LRP1B: variants seen among roughly 807,000 people sequenced by gnomAD.
LRP1B encodes the protein low-density lipoprotein receptor-related protein 1B.
A neutral mutation model predicts 556.6 loss-of-function variants in LRP1B; 217 were observed. The ratio of observed to expected loss-of-function variants is 0.39; its 90% CI spans 0.35 to 0.44. The LOEUF (loss-of-function observed/expected upper bound fraction) is 0.44, where lower values mean the gene tolerates loss of function less well. LRP1B is among the 20% of genes least tolerant of loss of function. The pLI, the probability that LRP1B is intolerant of heterozygous loss-of-function variation, is 1.00. For synonymous variants in LRP1B, 2,047 were observed against 1,865.8 expected, an observed-to-expected ratio of 1.10 and a Z score of -2.50; for missense variants, 5,053 against 5,620.8, an observed-to-expected ratio of 0.90 and a Z score of 3.23.
chr2:141,320,065 C>T (rs925035851), intron 3 of LRP1B, among the ~76,000 whole-genome samples: 2 of 151,970 alleles, frequency 1.3e-5, no homozygotes, highest in African/African-American at 4.8e-5. Context: ...AGTAATTTCT[C>T]AGATGATGCC....
At chr2:140,609,122 T>C (rs929683907) in intron 41 of LRP1B, among the ~76,000 whole-genome samples, 2 of 152,170 alleles carry the variant, frequency 1.3e-5, no homozygotes, top group Non-Finnish European at 2.9e-5. Flanking sequence ...CCGGAGCTGC[T>C]AGAGCAGAGC....
intron 43 of LRP1B, among the ~76,000 whole-genome samples, chr2:140,544,768 G>A (rs1680263975): frequency 6.6e-6 from 1 of 151,952 alleles, no homozygotes; most frequent in Non-Finnish European, 1.5e-5. Flanking sequence ...TTGTGAGTAG[G>A]GCTGTAATTA....
intron 43 of LRP1B, 88 bp from the exon 44 acceptor site, chr2:140,542,059 T>G: frequency 1.2e-6 from 1 of 839,354 alleles, no homozygotes; most frequent in Non-Finnish European, 1.7e-6. Flanking sequence ...AATAAAAGAT[T>G]AGGATTAGTT....
chr2:140,233,356 T>C (rs752691471), intron 90 of LRP1B, 30 bp from the exon 91 acceptor site: 19 of 1,511,450 alleles, frequency 1.3e-5, no homozygotes, highest in Non-Finnish European at 1.4e-5. Context: ...AATATAATTT[T>C]ATTACTGGTC....
chr2:140,696,480 T>C (rs1686434067), intron 41 of LRP1B, among the ~76,000 whole-genome samples: 1 of 152,196 alleles, frequency 6.6e-6, no homozygotes, highest in Non-Finnish European at 1.5e-5. Context: ...TTATTGTAAT[T>C]ATTTCTGATT....
chr2:140,552,239 A>G (rs561595529), intron 43 of LRP1B, among the ~76,000 whole-genome samples: 60 of 152,232 alleles, frequency 3.9e-4, no homozygotes, highest in African/African-American at 1.4e-3. Context: ...ACCATCAACA[A>G]ACATTTTTGA....
rs190452385 is a variant in LRP1B, at chr2:140,743,176, A to C, written c.5758+26037T>G. Reference sequence around the variant, plus strand: ...ATAGTTGATTTTGGAGTGGACTAGAATTTCATGAATAACAAAGTGTTTCAC... The same window carrying C: ...ATAGTTGATTTTGGAGTGGACTAGACTTTCATGAATAACAAAGTGTTTCAC... On this transcript the variant is annotated intron_variant, in intron 35 of 90. Coordinates refer to ENST00000389484, the MANE Select transcript of LRP1B (RefSeq NM_018557.3). Among the ~76,000 whole-genome samples the C allele has an allele frequency of 1.3e-4, 20 of 152,332 alleles. No individual in the cohort carries two copies. The East Asian group carries it at 3.9e-3, about 29-fold the overall frequency.
intron 7 of LRP1B, among the ~76,000 whole-genome samples, chr2:141,168,434 A>G (rs1574147659): frequency 6.6e-6 from 1 of 151,988 alleles, no homozygotes; most frequent in South Asian, 2.1e-4. Flanking sequence ...AAATAATCAC[A>G]CTCAGTCACT....
At chr2:140,455,825 C>A (rs1482218905) in intron 62 of LRP1B, among the ~76,000 whole-genome samples, 1 of 152,092 alleles carries the variant, frequency 6.6e-6, no homozygotes, top group East Asian at 1.9e-4. Context: ...ACAGTTTTAT[C>A]TTAAATCCAA....
intron 35 of LRP1B, among the ~76,000 whole-genome samples, chr2:140,751,766 A>G (rs1688588363): frequency 6.6e-6 from 1 of 152,164 alleles, no homozygotes; most frequent in South Asian, 2.1e-4. Flanking sequence ...GACATTCTCT[A>G]GTTGGAGAAA....
intron 43 of LRP1B, among the ~76,000 whole-genome samples, chr2:140,556,707 C>T (rs1680747026): frequency 6.6e-6 from 1 of 150,964 alleles, no homozygotes; most frequent in Non-Finnish European, 1.5e-5. Flanking sequence ...TGAACATTCT[C>T]ATGATTGCCA....
At chr2:141,100,997 G>C (rs1700446589) in intron 7 of LRP1B, among the ~76,000 whole-genome samples, 1 of 152,104 alleles carries the variant, frequency 6.6e-6, no homozygotes, top group African/African-American at 2.4e-5. Flanking sequence ...TTGGAGGTAA[G>C]AGGGGGTAGA....
intron 7 of LRP1B, among the ~76,000 whole-genome samples, chr2:141,187,075 G>A (rs866079845): frequency 2.8e-4 from 42 of 152,038 alleles, no homozygotes; most frequent in East Asian, 9.7e-4. Flanking sequence ...TTGTTAGTGC[G>A]TTTGTAAATT....
intron 2 of LRP1B, among the ~76,000 whole-genome samples, chr2:141,525,698 T>G (rs1684673514): frequency 6.6e-6 from 1 of 151,974 alleles, no homozygotes. Flanking sequence ...ACTAAGTCAT[T>G]TCACTGGTCA....
chr2:140,324,652 G>T (rs996087848), intron 80 of LRP1B, among the ~76,000 whole-genome samples: 4 of 151,872 alleles, frequency 2.6e-5, no homozygotes, highest in Non-Finnish European at 5.9e-5. Context: ...TTCACATCTT[G>T]TGATTTATTT....
At chr2:140,558,147 TCTC>T (rs1680801381) in intron 43 of LRP1B, among the ~76,000 whole-genome samples, 1 of 152,068 alleles carries the variant, frequency 6.6e-6, no homozygotes, top group Admixed American at 6.6e-5. Flanking sequence ...AAAGTAGAAT[TCTC>T]CTACAGTGCT....
At chr2:141,606,036 G>A (rs1194886910) in intron 2 of LRP1B, among the ~76,000 whole-genome samples, 1 of 151,870 alleles carries the variant, frequency 6.6e-6, no homozygotes, top group East Asian at 1.9e-4. Flanking sequence ...CTTTGTACAT[G>A]TTTGAAGCAA....
chr2:140,312,297 G>A (rs1388107079), intron 83 of LRP1B, among the ~76,000 whole-genome samples: 1 of 151,852 alleles, frequency 6.6e-6, no homozygotes, highest in Non-Finnish European at 1.5e-5. Flanking sequence ...CAAACTTTAG[G>A]AGTAGAAGAA....
intron 63 of LRP1B, among the ~76,000 whole-genome samples, chr2:140,449,418 A>C (rs1312244659): frequency 2.0e-5 from 3 of 152,136 alleles, no homozygotes; most frequent in Non-Finnish European, 4.4e-5. Context: ...ATTCAGGAAT[A>C]ATAGTGTACT....
Sources: allele counts gnomAD v4.1 joint callset (sites outside exome capture counted in the v4.1 genomes callset), GRCh38; gene constraint gnomAD v4.1.1; transcripts MANE v1.5; gene names NCBI Gene and HGNC (gene_info 2026-07-23, HGNC 2026-07-21).